Variants in TFDP2 observed in about 807,000 individuals in gnomAD.
TFDP2 encodes transcription factor Dp-2 (E2F dimerization partner 2).
In TFDP2, 17 loss-of-function variants were observed where a neutral mutation model predicts 59.3. The observed-to-expected ratio is 0.29, with a 90% CI of 0.20 to 0.43. TFDP2 has a LOEUF of 0.43. TFDP2 is among the 20% of genes least tolerant of loss of function. The pLI is 1.00. For missense variants in TFDP2, 391 were observed against 528.8 expected, an observed-to-expected ratio of 0.74 and a Z score of 2.56; for synonymous variants, 180 against 194.7, an observed-to-expected ratio of 0.92 and a Z score of 0.63.
intron 3 of TFDP2, among the ~76,000 whole-genome samples, chr3:142,067,987 G>A (rs997625713): frequency 7.1e-6 from 1 of 141,064 alleles, no homozygotes; most frequent in African/African-American, 2.6e-5. Flanking sequence ...TTGAGTGACA[G>A]AGTAAGACTC....
At chr3:141,977,424 TAAAG>T (rs1279366734) in intron 7 of TFDP2, among the ~76,000 whole-genome samples, 6 of 149,002 alleles carry the variant, frequency 4.0e-5, no homozygotes, top group East Asian at 2.0e-4. Flanking sequence ...AAAAAAAAGA[TAAAG>T]AAATAAATTT....
chr3:141,961,285 CCAGGCTGGAGTG>C (rs1424710489), intron 10 of TFDP2, among the ~76,000 whole-genome samples: 1 of 145,984 alleles, frequency 6.9e-6, no homozygotes, highest in Non-Finnish European at 1.5e-5. Context: ...GCTCTGTCGC[CCAGGCTGGAGTG>C]CAGTGGCACG....
chr3:142,094,179 G>A (rs1417543852), intron 2 of TFDP2, among the ~76,000 whole-genome samples: 1 of 151,962 alleles, frequency 6.6e-6, no homozygotes, highest in East Asian at 1.9e-4. Context: ...CCAAAAATTG[G>A]CTCTATTATT....
At chr3:142,050,852 AATC>A (rs1553789467) in intron 3 of TFDP2, among the ~76,000 whole-genome samples, 1 of 10,444 alleles carries the variant, frequency 9.6e-5, no homozygotes, top group Non-Finnish European at 2.0e-4. Context: ...CATCTCAAAA[AATC>A]AATCAATCAA....
chr3:141,956,236 T>C (rs1936613621), intron 11 of TFDP2, among the ~76,000 whole-genome samples: 2 of 152,218 alleles, frequency 1.3e-5, no homozygotes, highest in South Asian at 4.1e-4. Context: ...TGTTTTCAAG[T>C]ATACTCAGTA....
intron 7 of TFDP2, among the ~76,000 whole-genome samples, chr3:141,975,969 C>T (rs948672316): frequency 3.9e-5 from 6 of 152,130 alleles, no homozygotes; most frequent in African/African-American, 9.7e-5. Flanking sequence ...CAACCTCCAC[C>T]TTCTGGGTTC....
intron 6 of TFDP2, among the ~76,000 whole-genome samples, chr3:141,980,367 G>A (rs188608334): frequency 2.2e-3 from 337 of 151,748 alleles, no homozygotes; most frequent in African/African-American, 7.7e-3. Context: ...TGGGGTATCC[G>A]TCATCTCAAG....
intron 3 of TFDP2, among the ~76,000 whole-genome samples, chr3:142,081,122 T>C (rs1466124438): frequency 1.3e-5 from 2 of 152,280 alleles, no homozygotes; most frequent in African/African-American, 4.8e-5. Flanking sequence ...AAAATTGAAA[T>C]ATTATGAAGC....
chr3:142,101,298 T>C (rs1326142587), intron 2 of TFDP2, among the ~76,000 whole-genome samples: 1 of 149,082 alleles, frequency 6.7e-6, no homozygotes, highest in Non-Finnish European at 1.5e-5. Flanking sequence ...AACCATCTCA[T>C]GGAAGGTAGC....
In TFDP2 at chr3:142,135,974, C is replaced by T. The variant is rs377245143; in HGVS notation, c.-93+13209G>A. On this transcript the variant is annotated intron_variant, in intron 1 of 12. Transcript: ENST00000489671. ...TTCTAGTTCTAGATCCTTGAGGAATCGCCACACTGTCTTCCACAATGGTTG... is the reference window on the plus strand; with the variant it reads ...TTCTAGTTCTAGATCCTTGAGGAATTGCCACACTGTCTTCCACAATGGTTG... Among the ~76,000 whole-genome samples, 20 of 152,036 alleles carry T rather than the reference C, an allele frequency of 1.3e-4. No homozygotes were observed. The East Asian group carries it at 1.7e-3, about 13-fold the overall frequency.
intron 4 of TFDP2, among the ~76,000 whole-genome samples, chr3:141,999,355 ATTAT>A (rs556133085): frequency 7.6e-4 from 116 of 152,330 alleles, no homozygotes; most frequent in African/African-American, 2.6e-3. Context: ...GTGTTATTTG[ATTAT>A]TTATGTTATA....
At chr3:142,070,776 G>A (rs2060220017) in intron 3 of TFDP2, among the ~76,000 whole-genome samples, 1 of 152,100 alleles carries the variant, frequency 6.6e-6, no homozygotes, top group Non-Finnish European at 1.5e-5. Context: ...CTTGAGGTTT[G>A]AAGTATGTTT....
intron 3 of TFDP2, chr3:142,043,958 G>T: frequency 1.3e-6 from 1 of 752,744 alleles, no homozygotes. Flanking sequence ...GTACCCTTCC[G>T]CTTACCTATG....
intron 6 of TFDP2, among the ~76,000 whole-genome samples, chr3:141,988,100 C>T (rs1167702878): frequency 1.3e-5 from 2 of 152,106 alleles, no homozygotes; most frequent in African/African-American, 4.8e-5. Flanking sequence ...AGTATACCAC[C>T]ATGCCTGGCT....
chr3:142,148,160 A>C (rs73236054), intron 1 of TFDP2, among the ~76,000 whole-genome samples: 12,754 of 151,956 alleles, frequency 0.084, 658 homozygotes, highest in Middle Eastern at 0.14. Flanking sequence ...ATGAAAAGAC[A>C]CAAAACTCAG....
chr3:141,973,709 T>TACAGCAA (rs1559953173), intron 8 of TFDP2, among the ~76,000 whole-genome samples: 1 of 143,042 alleles, frequency 7.0e-6, no homozygotes, highest in African/African-American at 2.6e-5. Context: ...TTTGGATACA[T>TACAGCAA]ACAGCAAGCA....
chr3:142,058,861 TA>T (rs2059826912), intron 3 of TFDP2, among the ~76,000 whole-genome samples: 1 of 152,162 alleles, frequency 6.6e-6, no homozygotes, highest in African/African-American at 2.4e-5. Context: ...TGGCCATTGG[TA>T]ATCATCTAAA....
chr3:142,130,878 C>T (rs1182001788), intron 1 of TFDP2, among the ~76,000 whole-genome samples: 1 of 151,770 alleles, frequency 6.6e-6, no homozygotes, highest in Admixed American at 6.6e-5. Context: ...ATGGTGAAAC[C>T]TCATCTCTAC....
At chr3:142,017,950 A>T (rs780322554) in intron 3 of TFDP2, among the ~76,000 whole-genome samples, 3 of 148,046 alleles carry the variant, frequency 2.0e-5, no homozygotes, top group Non-Finnish European at 4.5e-5. Flanking sequence ...TTATTTATTT[A>T]TTTATTTATG....
Sources: gnomAD v4.1 joint callset for allele counts (sites outside exome capture counted in the v4.1 genomes callset) on GRCh38, gnomAD v4.1.1 for gene constraint, MANE v1.5 for transcripts, NCBI Gene and HGNC (gene_info 2026-07-23, HGNC 2026-07-21) for gene names.